Variants in C3orf20 observed in about 807,000 individuals in gnomAD.
C3orf20 encodes the protein uncharacterized protein C3orf20.
Under a neutral mutation model 88.3 loss-of-function variants are expected in C3orf20, and 76 were observed. That is an observed-to-expected ratio of 0.86 (90% CI 0.72 to 1.04). The LOEUF is 1.04. Among genes scored for constraint, C3orf20 ranks in the 50% least tolerant of loss-of-function variants. C3orf20 has a pLI of 0.00. For missense variants in C3orf20, 1,056 were observed against 1,123.3 expected, an observed-to-expected ratio of 0.94 and a Z score of 0.86; for synonymous variants, 436 against 437.4, an observed-to-expected ratio of 1.00 and a Z score of 0.04.
chr3:14,772,168 A>G lies in C3orf20; in HGVS notation c.2597A>G (p.Tyr866Cys). Reference sequence around the variant, plus strand: ...AGCTCCTCATTGGCCCTGGAAGACTATGTGGAGAAGGAGTTATCTCTGGAG... The same window carrying G: ...AGCTCCTCATTGGCCCTGGAAGACTGTGTGGAGAAGGAGTTATCTCTGGAG... The part of the protein sequence containing the change: ...GSSSSLALED[Y>C]VEKELSLEAE... The change falls in exon 16 of 17, where the codon TAT becomes TGT. Residue 866 changes from tyrosine (Y) to cysteine (C), a missense_variant. Coordinates refer to ENST00000253697, the MANE Select transcript of C3orf20 (RefSeq NM_032137.5). The surrounding 1 kb of genome is among the most constrained non-coding windows in gnomAD (Gnocchi z 4.2). The G allele has an allele frequency of 1.2e-6, 2 of 1,614,228 alleles. No individual in the cohort carries two copies. The highest frequency in any genetic ancestry group is 2.2e-5 in the South Asian group (2 of 91,086).
At chr3:14,743,563 A>T (rs2034976875) in intron 12 of C3orf20, among the ~76,000 whole-genome samples, 1 of 151,992 alleles carries the variant, frequency 6.6e-6, no homozygotes, top group Non-Finnish European at 1.5e-5. Flanking sequence ...GCAGTGCCCC[A>T]GTAGGGACTT....
chr3:14,723,332 A>G (rs958867940), intron 10 of C3orf20, among the ~76,000 whole-genome samples: 1 of 152,256 alleles, frequency 6.6e-6, no homozygotes. Context: ...CCTGGAGGAA[A>G]GCATTGCATC....
intron 4 of C3orf20, among the ~76,000 whole-genome samples, chr3:14,688,481 G>A (rs933379951): frequency 2.9e-5 from 4 of 140,212 alleles, no homozygotes; most frequent in East Asian, 2.1e-4. Context: ...GCAGTGAGCC[G>A]AGACTGTGCC....
chr3:14,701,738 T>C lies in C3orf20; in HGVS notation c.746-1392T>C, dbSNP rs1468299594. Among the ~76,000 whole-genome samples the C allele has an allele frequency of 1.3e-5, 2 of 152,092 alleles. No homozygotes were observed. The highest frequency in any genetic ancestry group is 6.5e-5 in the Admixed American group (1 of 15,268). On this transcript the variant is annotated intron_variant, in intron 5 of 16. Coordinates refer to ENST00000253697, the MANE Select transcript of C3orf20 (RefSeq NM_032137.5). The surrounding 1 kb of genome is among the most constrained non-coding windows in gnomAD (Gnocchi z 4.6). Reference sequence around the variant, plus strand: ...ATTGAGAAGAAATAGAGACTTTGTGTCTTTAATCAGGTGAATCAAAAGGGT... The same window carrying C: ...ATTGAGAAGAAATAGAGACTTTGTGCCTTTAATCAGGTGAATCAAAAGGGT...
intron 12 of C3orf20, among the ~76,000 whole-genome samples, chr3:14,750,237 T>C (rs2035180729): frequency 6.6e-6 from 1 of 152,298 alleles, no homozygotes; most frequent in South Asian, 2.1e-4. Flanking sequence ...TTTTGAAGGA[T>C]AGCTTTGCTC....
intron 5 of C3orf20, among the ~76,000 whole-genome samples, chr3:14,695,241 C>G (rs549346188): frequency 4.6e-5 from 7 of 152,208 alleles, no homozygotes; most frequent in Non-Finnish European, 8.8e-5. Context: ...AATTTCTTCA[C>G]TGACCCACTG....
At chr3:14,727,477 T>G (rs2034395555) in intron 11 of C3orf20, among the ~76,000 whole-genome samples, 1 of 152,112 alleles carries the variant, frequency 6.6e-6, no homozygotes, top group Admixed American at 6.5e-5. Context: ...GCTGTCCCTG[T>G]TAGGCCCACA....
intron 4 of C3orf20, among the ~76,000 whole-genome samples, chr3:14,688,529 C>CAAAAAAAAAAAAAAAAAAAAAA (rs35979290): frequency 1.0e-4 from 11 of 105,784 alleles, no homozygotes; most frequent in Non-Finnish European, 1.6e-4. Flanking sequence ...GAGACTGTCT[C>CAAAAAAAAAAAAAAAAAAAAAA]AAAAAAAAAA....
intron 12 of C3orf20, among the ~76,000 whole-genome samples, chr3:14,746,520 C>G (rs2035062138): frequency 6.6e-6 from 1 of 152,168 alleles, no homozygotes; most frequent in Non-Finnish European, 1.5e-5. Context: ...ATATATTATC[C>G]ATTTTCACAT....
chr3:14,765,109 G>C (rs2125042717), intron 15 of C3orf20: 1 of 152,374 alleles, frequency 6.6e-6, no homozygotes, highest in East Asian at 1.9e-4. Flanking sequence ...ATGTGGTTCA[G>C]ATGGTAGCTT....
intron 12 of C3orf20, among the ~76,000 whole-genome samples, chr3:14,742,912 T>C (rs1575145360): frequency 6.6e-6 from 1 of 152,096 alleles, no homozygotes; most frequent in African/African-American, 2.4e-5. Context: ...CGTGATTCAA[T>C]TACCTCCCCA....
intron 12 of C3orf20, among the ~76,000 whole-genome samples, chr3:14,750,554 TAAAA>T (rs3038830): frequency 1.4e-5 from 2 of 142,484 alleles, no homozygotes; most frequent in Non-Finnish European, 1.5e-5. Flanking sequence ...GACCCTGTCT[TAAAA>T]AAAAAAAAAA....
At chr3:14,682,537 T>G in intron 2 of C3orf20, 41 bp from the exon 3 acceptor site, 1 of 814,192 alleles carries the variant, frequency 1.2e-6, no homozygotes, top group Non-Finnish European at 1.9e-6. Context: ...TGCCCTACTA[T>G]GGGGAGAGTG....
At chr3:14,756,081 G>T (rs181674500) in intron 12 of C3orf20, among the ~76,000 whole-genome samples, 104 of 149,922 alleles carry the variant, frequency 6.9e-4, no homozygotes, top group Admixed American at 6.6e-5. Context: ...TTTCTGTCCT[G>T]CCTGTTGCAC....
chr3:14,736,330 G>A (rs2034708285), intron 12 of C3orf20, among the ~76,000 whole-genome samples: 1 of 146,426 alleles, frequency 6.8e-6, no homozygotes, highest in Non-Finnish European at 1.5e-5. Context: ...TTGCTCTGTT[G>A]CCCAGGCTAG....
chr3:14,760,583 A>G (rs1166010622), intron 14 of C3orf20, among the ~76,000 whole-genome samples: 5 of 148,186 alleles, frequency 3.4e-5, no homozygotes, highest in Non-Finnish European at 7.4e-5. Context: ...CTGATTTTTA[A>G]CTACTGTGTA....
At position 14,772,014 on chromosome 3, in the gene C3orf20, G is replaced by A. The variant is rs1350348338; in HGVS notation, c.2496-53G>A. The A allele has an allele frequency of 9.9e-6, 16 of 1,609,154 alleles. No homozygotes were observed. In the East Asian group the frequency reaches 1.6e-4, roughly 16 times the overall value. On this transcript the variant is annotated intron_variant, in intron 15 of 16. Transcript: ENST00000253697. The surrounding 1 kb of genome is among the most constrained non-coding windows in gnomAD (Gnocchi z 4.2). ...GCTCCCAGAACACTGATGGGACAGC[G>A]TGCAGTGCACCCTGGGCCCTGAGCA...
At chr3:14,740,804 C>A (rs1002051643) in intron 12 of C3orf20, among the ~76,000 whole-genome samples, 4 of 151,724 alleles carry the variant, frequency 2.6e-5, no homozygotes, top group Non-Finnish European at 5.9e-5. Flanking sequence ...CTTTTGAGTT[C>A]TTGATCTTAT....
intron 5 of C3orf20, among the ~76,000 whole-genome samples, chr3:14,692,088 G>A (rs898441511): frequency 1.3e-5 from 2 of 151,970 alleles, no homozygotes; most frequent in African/African-American, 4.8e-5. Flanking sequence ...CTCTTTTTAT[G>A]GCTGACTAGT....
Sources: allele counts gnomAD v4.1 joint callset (sites outside exome capture counted in the v4.1 genomes callset), GRCh38; gene constraint gnomAD v4.1.1; non-coding constraint Gnocchi (gnomAD v3.1); transcripts MANE v1.5; gene names NCBI Gene and HGNC (gene_info 2026-07-23, HGNC 2026-07-21).